Variants in GRK3 observed in about 807,000 individuals in gnomAD.
GRK3 encodes the protein G protein-coupled receptor kinase 3, also known as adrenergic, beta, receptor kinase 2.
In GRK3, 54 loss-of-function variants were observed where a neutral mutation model predicts 95.7. That is an observed-to-expected ratio of 0.56 (90% confidence interval 0.45 to 0.71). The LOEUF is 0.71. Among genes scored for constraint, GRK3 ranks in the 30% least tolerant of loss-of-function variants. GRK3 has a pLI of 0.00. For missense variants in GRK3, 649 were observed against 851.2 expected (o/e 0.76, Z 2.96); for synonymous variants, 281 against 290.8 (o/e 0.97, Z 0.34).
At chr22:25,622,795 G>C (rs1357679215) in intron 2 of GRK3, among the ~76,000 whole-genome samples, 1 of 152,188 alleles carries the variant, frequency 6.6e-6, no homozygotes, top group Non-Finnish European at 1.5e-5. Context: ...AGAGATGTAA[G>C]AATGGGTGGC....
chr22:25,594,867 A>C (rs1245793849), intron 1 of GRK3, among the ~76,000 whole-genome samples: 1 of 152,124 alleles, frequency 6.6e-6, no homozygotes, highest in Non-Finnish European at 1.5e-5. Context: ...CAACAGAGCG[A>C]AACTCCATCT....
At chr22:25,702,750 A>G in intron 13 of GRK3, 1 of 455,088 alleles carries the variant, frequency 2.2e-6, no homozygotes, top group Middle Eastern at 3.3e-4. Flanking sequence ...CCTACCGTGT[A>G]CTGCCATTGT....
chr22:25,637,417 T>C (rs1053057145), intron 2 of GRK3, among the ~76,000 whole-genome samples: 2 of 152,244 alleles, frequency 1.3e-5, no homozygotes, highest in African/African-American at 4.8e-5. Context: ...CAATGCTGGA[T>C]GTATCAGTAG....
chr22:25,657,539 A>T (rs564552714), intron 3 of GRK3, among the ~76,000 whole-genome samples: 1 of 152,276 alleles, frequency 6.6e-6, no homozygotes, highest in East Asian at 1.9e-4. Flanking sequence ...TCGTTCTACT[A>T]TCAATTTGTT....
rs577582177 is a variant in GRK3 at position 25,690,114 on chromosome 22, G to A, written c.958-75G>A. On this transcript the variant is annotated intron_variant, in intron 11 of 20. Coordinates refer to ENST00000324198, the MANE Select transcript of GRK3 (RefSeq NM_005160.4). ...ATGATAAAATAGTGAGATATCAGGT[G>A]TCTGCACTCAAAGTTCTCAAAGCCT... The A allele has an allele frequency of 4.3e-5, 44 of 1,018,038 alleles. No individual in the cohort carries two copies. The East Asian group carries it at 9.3e-4, about 21-fold the overall frequency. 63.1% of individuals were successfully genotyped at this position (1,018,038 alleles called of 1,614,324 possible). A position where few individuals can be genotyped will look rare whatever the true frequency, so the allele number is the denominator to read the frequency against.
intron 3 of GRK3, among the ~76,000 whole-genome samples, chr22:25,652,370 G>T (rs2084838358): frequency 6.6e-6 from 1 of 152,190 alleles, no homozygotes; most frequent in African/African-American, 2.4e-5. Flanking sequence ...GGCGGAGCTT[G>T]CAGGAAAATG....
At chr22:25,627,249 G>A (rs1347840796) in intron 2 of GRK3, among the ~76,000 whole-genome samples, 2 of 152,132 alleles carry the variant, frequency 1.3e-5, no homozygotes, top group African/African-American at 4.8e-5. Flanking sequence ...CTATTCCCCA[G>A]CAGGCTTTTT....
chr22:25,695,835 ATTTTTT>A (rs1191151827), intron 13 of GRK3, among the ~76,000 whole-genome samples: 100 of 133,548 alleles, frequency 7.5e-4, no homozygotes, highest in Non-Finnish European at 1.2e-3. Flanking sequence ...CACCCGGCTA[ATTTTTT>A]TTTTTTTTTT....
At chr22:25,599,309 T>G (rs2084392721) in intron 1 of GRK3, among the ~76,000 whole-genome samples, 1 of 152,134 alleles carries the variant, frequency 6.6e-6, no homozygotes, top group African/African-American at 2.4e-5. Context: ...AAATCACATA[T>G]ATGCCAGGTG....
At chr22:25,720,665 CG>C (rs1272472578) in intron 19 of GRK3, among the ~76,000 whole-genome samples, 1 of 151,854 alleles carries the variant, frequency 6.6e-6, no homozygotes, top group Admixed American at 6.6e-5. Flanking sequence ...TTAGTAGAGA[CG>C]GGGTTTCACC....
chr22:25,594,802 C>T (rs188128391), intron 1 of GRK3, among the ~76,000 whole-genome samples: 26 of 152,032 alleles, frequency 1.7e-4, no homozygotes, highest in African/African-American at 6.0e-4. Flanking sequence ...GGCGTGAACC[C>T]AGGAGGCAGA....
chr22:25,632,972 G>C (rs1194561440), intron 2 of GRK3, among the ~76,000 whole-genome samples: 1 of 151,958 alleles, frequency 6.6e-6, no homozygotes, highest in African/African-American at 2.4e-5. Context: ...GTGCAGTGGC[G>C]TGATCTTGGC....
chr22:25,680,894 T>C (rs1441576595), intron 9 of GRK3, among the ~76,000 whole-genome samples: 1 of 152,126 alleles, frequency 6.6e-6, no homozygotes, highest in Admixed American at 6.5e-5. Flanking sequence ...TTTCCCGTAT[T>C]GTGGACATGT....
At chr22:25,590,704 C>A (rs1262389314) in intron 1 of GRK3, among the ~76,000 whole-genome samples, 1 of 152,026 alleles carries the variant, frequency 6.6e-6, no homozygotes, top group Non-Finnish European at 1.5e-5. Context: ...ACCCACAGTC[C>A]CAGCTACTCG....
chr22:25,636,730 G>A (rs988287275), intron 2 of GRK3, among the ~76,000 whole-genome samples: 2 of 152,008 alleles, frequency 1.3e-5, no homozygotes, highest in Admixed American at 6.6e-5. Context: ...ATAGACGCAA[G>A]CATTTTTCTG....
At chr22:25,625,024 C>T (rs1441529217) in intron 2 of GRK3, among the ~76,000 whole-genome samples, 1 of 151,192 alleles carries the variant, frequency 6.6e-6, no homozygotes, top group African/African-American at 2.4e-5. Context: ...TCATGCCATT[C>T]TCCTGCCTCG....
At chr22:25,574,402 G>A (rs1931815796) in intron 1 of GRK3, among the ~76,000 whole-genome samples, 1 of 152,156 alleles carries the variant, frequency 6.6e-6, no homozygotes, top group Non-Finnish European at 1.5e-5. Context: ...TGAGGTGGGA[G>A]GGTTTCTTGA....
At chr22:25,565,673 A>C (rs1389934972) in intron 1 of GRK3, among the ~76,000 whole-genome samples, 3 of 152,060 alleles carry the variant, frequency 2.0e-5, no homozygotes, top group Non-Finnish European at 4.4e-5. Context: ...TTATTGTCCG[A>C]GGTAGTTAAA....
chr22:25,715,020 A>G (rs1190130114), intron 18 of GRK3: 1 of 153,190 alleles, frequency 6.5e-6, no homozygotes, highest in East Asian at 1.9e-4. Context: ...CCCGAGAAGT[A>G]TGTAGCTGGT....
Sources: gnomAD v4.1 joint callset for allele counts (sites outside exome capture counted in the v4.1 genomes callset) on GRCh38, gnomAD v4.1.1 for gene constraint, MANE v1.5 for transcripts, NCBI Gene and HGNC (gene_info 2026-07-23, HGNC 2026-07-21) for gene names.